TAFA4: variants seen among roughly 807,000 people sequenced by gnomAD.
TAFA4 encodes the protein TAFA chemokine like family member 4, also known as chemokine-like protein TAFA-4.
In TAFA4, 20 loss-of-function variants were observed where a neutral mutation model predicts 21.1. The observed-to-expected ratio is 0.95, with a 90% CI of 0.67 to 1.38. The LOEUF is 1.38. Among genes scored for constraint, TAFA4 ranks in the 40% most tolerant of loss-of-function variants. The pLI is 0.00. For missense variants in TAFA4, 211 were observed against 180.9 expected, an observed-to-expected ratio of 1.17 and a Z score of -0.95; for synonymous variants, 71 against 67.4, an observed-to-expected ratio of 1.05 and a Z score of -0.26.
At chr3:68,787,268 G>A (rs528626302) in intron 3 of TAFA4, among the ~76,000 whole-genome samples, 4 of 152,094 alleles carry the variant, frequency 2.6e-5, no homozygotes, top group East Asian at 3.9e-4. Context: ...GACTGAAATT[G>A]CAACAAACTA....
chr3:68,809,475 T>C (rs777575516), intron 3 of TAFA4, among the ~76,000 whole-genome samples: 1 of 152,030 alleles, frequency 6.6e-6, no homozygotes, highest in Non-Finnish European at 1.5e-5. Context: ...ATGCAAATTT[T>C]AAATAGTGAA....
chr3:68,846,951 C>T (rs186850739), intron 3 of TAFA4, among the ~76,000 whole-genome samples: 6 of 152,168 alleles, frequency 3.9e-5, no homozygotes, highest in Admixed American at 2.0e-4. Context: ...AGATGTCTGT[C>T]GACCCCTGCT....
chr3:68,849,599 C>A (rs1273939788), intron 3 of TAFA4, among the ~76,000 whole-genome samples: 2 of 152,214 alleles, frequency 1.3e-5, no homozygotes, highest in Non-Finnish European at 2.9e-5. Context: ...CAGGTGTCAG[C>A]TGACTATCAC....
chr3:68,885,254 C>G lies in TAFA4; in HGVS notation c.-66G>C. 6.6e-7 allele frequency: 1 copy of G among 1,525,026 alleles called. No homozygotes were observed. The highest frequency in any genetic ancestry group is 9.0e-7 in the Non-Finnish European group (1 of 1,108,132). 94.5% of individuals were successfully genotyped at this position (1,525,026 alleles called of 1,614,324 possible). ...TTTCAGAGTGACTCCAAATTCCCAT[C>G]TGTTGCTAGAACCAATCATTTCTGC... On this transcript the variant is annotated 5_prime_UTR_variant, in exon 2 of 6. Transcript: ENST00000295569.
chr3:68,767,652 G>A (rs1702880721), intron 3 of TAFA4, among the ~76,000 whole-genome samples: 1 of 150,996 alleles, frequency 6.6e-6, no homozygotes, highest in African/African-American at 2.4e-5. Flanking sequence ...AGATGAGGGA[G>A]TTAATTTTTC....
chr3:68,743,362 G>C (rs1414252697), intron 4 of TAFA4, among the ~76,000 whole-genome samples: 2 of 152,036 alleles, frequency 1.3e-5, no homozygotes. Context: ...GATCACTTGA[G>C]GTCAAGAGTT....
At chr3:68,824,037 G>T (rs1704170478) in intron 3 of TAFA4, among the ~76,000 whole-genome samples, 1 of 152,168 alleles carries the variant, frequency 6.6e-6, no homozygotes, top group African/African-American at 2.4e-5. Flanking sequence ...ATGACTCAGA[G>T]AAAGAACCCC....
At chr3:68,880,006 G>T (rs1191276922) in intron 3 of TAFA4, among the ~76,000 whole-genome samples, 7 of 152,066 alleles carry the variant, frequency 4.6e-5, no homozygotes, top group Non-Finnish European at 1.0e-4. Flanking sequence ...ATTTGCTGGG[G>T]AGTTTCCACT....
At position 68,733,166 on chromosome 3, in the gene TAFA4, A is replaced by T. The variant is rs770033741; in HGVS notation, c.412-13T>A. On this transcript the variant is annotated splice_polypyrimidine_tract_variant and intron_variant, in intron 5 of 5. Transcript: ENST00000295569. ...GCTACCGCGTTACCTAAAACAAATC[A>T]AAATAAGGGAACATTCAACACTCTA... 3 of 1,613,028 alleles carry T rather than the reference A, an allele frequency of 1.9e-6. No individual in the cohort carries two copies. In the Admixed American group the frequency reaches 5.0e-5, roughly 27 times the overall value.
chr3:68,830,165 G>GT (rs1008177656), intron 3 of TAFA4, among the ~76,000 whole-genome samples: 30 of 152,136 alleles, frequency 2.0e-4, no homozygotes, highest in African/African-American at 7.0e-4. Context: ...TTATTTGAAG[G>GT]TTTTTTTGTG....
At chr3:68,749,704 T>C (rs959319665) in intron 4 of TAFA4, among the ~76,000 whole-genome samples, 1 of 152,218 alleles carries the variant, frequency 6.6e-6, no homozygotes, top group Non-Finnish European at 1.5e-5. Flanking sequence ...GAGACACAAG[T>C]TGAAAGACAC....
chr3:68,745,105 T>A lies in TAFA4; in HGVS notation c.287-5906A>T, dbSNP rs554687783. 2.0e-5 allele frequency among the ~76,000 whole-genome samples: 3 copies of A among 152,232 alleles called. No individual in the cohort carries two copies. In the East Asian group the frequency reaches 5.8e-4, roughly 29 times the overall value. ...CAATAATCAAAAGACACATTGCAAA[T>A]TCCGTTATGAGTTAAGGATTGACTA... On this transcript the variant is annotated intron_variant, in intron 4 of 5. Transcript: ENST00000295569.
chr3:68,740,324 A>G (rs931563628), intron 4 of TAFA4, among the ~76,000 whole-genome samples: 2 of 152,192 alleles, frequency 1.3e-5, no homozygotes, highest in African/African-American at 4.8e-5. Flanking sequence ...GTCAATAGGA[A>G]AAACTAAAAG....
At chr3:68,756,070 G>A (rs184737902) in intron 3 of TAFA4, among the ~76,000 whole-genome samples, 1 of 152,222 alleles carries the variant, frequency 6.6e-6, no homozygotes, top group East Asian at 1.9e-4. Context: ...GGGAAATCCT[G>A]AGCCAGAACC....
chr3:68,907,748 A>G (rs552695558), intron 1 of TAFA4, among the ~76,000 whole-genome samples: 16 of 152,350 alleles, frequency 1.1e-4, no homozygotes, highest in Admixed American at 9.8e-4. Flanking sequence ...TACTCATGGC[A>G]TGAAGTCTGA....
At chr3:68,848,935 TA>T (rs34625267) in intron 3 of TAFA4, among the ~76,000 whole-genome samples, 67,445 of 149,202 alleles carry the variant, frequency 0.45, 15,576 homozygotes, top group African/African-American at 0.53. Flanking sequence ...ATGCTAACTT[TA>T]AAAAAAAAAA....
intron 4 of TAFA4, among the ~76,000 whole-genome samples, 190 bp downstream of exon 4, chr3:68,752,673 T>A (rs1364468020): frequency 1.3e-5 from 2 of 152,184 alleles, no homozygotes; most frequent in African/African-American, 2.4e-5. Context: ...GTACCCCTTG[T>A]GGGACATTAT....
intron 3 of TAFA4, among the ~76,000 whole-genome samples, chr3:68,838,058 A>G (rs754651546): frequency 1.6e-4 from 24 of 152,140 alleles, no homozygotes; most frequent in Non-Finnish European, 2.6e-4. Context: ...CAAGTATACA[A>G]TATATTATTA....
chr3:68,828,782 G>A (rs1431861555), intron 3 of TAFA4, among the ~76,000 whole-genome samples: 3 of 152,146 alleles, frequency 2.0e-5, no homozygotes, highest in Admixed American at 6.5e-5. Flanking sequence ...TTTGGGCTGA[G>A]ACGATGGGGT....
Sources: allele counts gnomAD v4.1 joint callset (sites outside exome capture counted in the v4.1 genomes callset), GRCh38; gene constraint gnomAD v4.1.1; transcripts MANE v1.5; gene names NCBI Gene and HGNC (gene_info 2026-07-23, HGNC 2026-07-21).